Variants in SLC35B4 observed in about 807,000 individuals in gnomAD.
SLC35B4 encodes the protein solute carrier family 35 member B4, also known as nucleotide sugar transporter SLC35B4.
SLC35B4 carries 28 observed loss-of-function variants against 39.5 expected under a neutral mutation model. The ratio of observed to expected loss-of-function variants is 0.71; its 90% CI spans 0.53 to 0.97. The LOEUF is 0.97. SLC35B4 is among the 50% of genes least tolerant of loss of function. The pLI is 0.00. For missense variants in SLC35B4, 334 were observed against 414.3 expected (o/e 0.81, Z 1.68); for synonymous variants, 145 against 150.4 (o/e 0.96, Z 0.26).
At chr7:134,307,355 C>A (rs1269199170) in intron 2 of SLC35B4, among the ~76,000 whole-genome samples, 27 of 147,678 alleles carry the variant, frequency 1.8e-4, no homozygotes, top group Non-Finnish European at 1.5e-5. Context: ...AAAAAAAAAT[C>A]CAGTAACCCT....
In SLC35B4 at chr7:134,316,730, C is replaced by T. The variant is rs928758721; in HGVS notation, c.22G>A (p.Gly8Ser). 1 of 1,549,990 alleles carries T rather than the reference C, an allele frequency of 6.5e-7. No homozygotes were observed. Among genetic ancestry groups the T allele is most frequent in the African/African-American group, 1.4e-5 (1 of 73,046 alleles). MRPALAV[G>S]LVFAGCCSNV... ...CTGCAGCAGCCTGCGAACACCAGGC[C>T]CACCGCCAAGGCCGGGCGCATGGCC... Residue 8 changes from glycine (G) to serine (S), a missense_variant, in exon 1 of 10, where the codon GGC (glycine) becomes AGC (serine). Physicochemically the swap from Gly to Ser is moderately conservative, Grantham distance 56 (BLOSUM62 0). Coordinates refer to ENST00000378509, the MANE Select transcript of SLC35B4 (RefSeq NM_032826.5).
chr7:134,302,852 A>G (rs908424723), intron 4 of SLC35B4, among the ~76,000 whole-genome samples: 9 of 152,306 alleles, frequency 5.9e-5, no homozygotes, highest in Non-Finnish European at 1.0e-4. Context: ...GTACCTCATA[A>G]AAGGCCAGCA....
chr7:134,301,259 T>C lies in SLC35B4; in HGVS notation c.487+502A>G, dbSNP rs557072868. On this transcript the variant is annotated intron_variant, in intron 6 of 9. Transcript: ENST00000378509. Reference sequence around the variant, plus strand: ...AACAAAGCTCTACAGGAGCTGCCTATTTAATTCCACAGAGATCCTTGTATT... The same window carrying C: ...AACAAAGCTCTACAGGAGCTGCCTACTTAATTCCACAGAGATCCTTGTATT... 1.2e-4 allele frequency among the ~76,000 whole-genome samples: 18 copies of C among 152,324 alleles called. No individual in the cohort carries two copies. The South Asian group carries it at 2.7e-3, about 23-fold the overall frequency.
chr7:134,310,305 A>C (rs753379150), intron 1 of SLC35B4, among the ~76,000 whole-genome samples: 5 of 152,208 alleles, frequency 3.3e-5, no homozygotes, highest in African/African-American at 4.8e-5. Context: ...AAGATTCCCC[A>C]CATTCAACAG....
At chr7:134,319,982 TC>T (rs1804067756), upstream of SLC35B4, among the ~76,000 whole-genome samples, 1 of 152,118 alleles carries the variant, frequency 6.6e-6, no homozygotes, top group Non-Finnish European at 1.5e-5. Context: ...CTTTAACCCA[TC>T]CTCCCTGCTG....
rs1186622966 is a variant in SLC35B4 at position 134,293,467 on chromosome 7, C to G, written c.*1366G>C. On this transcript the variant is annotated 3_prime_UTR_variant, in exon 10 of 10. Transcript: ENST00000378509. ...ACATCCAACCATCCTCAATACCCAT[C>G]GAGAATGCTAAGATACCTCATAGGA... 6.6e-6 allele frequency: 1 copy of G among 152,244 alleles called. No individual in the cohort carries two copies. The highest frequency in any genetic ancestry group is 2.1e-4 in the South Asian group (1 of 4,834). 9.4% of individuals were successfully genotyped at this position (152,244 alleles called of 1,614,324 possible). A position where few individuals can be genotyped will look rare whatever the true frequency, so the allele number is the denominator to read the frequency against.
In SLC35B4 at chr7:134,306,729, CA is replaced by C. The variant is rs763067589; in HGVS notation, c.236del (p.Val79GlyfsTer6). ...TGTTGAGATTCAGGGCATAGTTGTT[CA>C]CCACGCTCACGGTGAAGAACATGGT... ...MVTMFFTVSV[V>X]NNYALNLNIA... On this transcript the variant is annotated frameshift_variant, in exon 3 of 10. Coordinates refer to ENST00000378509, the MANE Select transcript of SLC35B4 (RefSeq NM_032826.5). LOFTEE classifies it high-confidence loss of function. The C allele has an allele frequency of 6.2e-7, 1 of 1,614,012 alleles. No homozygotes were observed. Among genetic ancestry groups the C allele is most frequent in the South Asian group, 1.1e-5 (1 of 91,054 alleles).
intron 3 of SLC35B4, among the ~76,000 whole-genome samples, chr7:134,305,845 T>C (rs1803698622): frequency 1.3e-5 from 2 of 152,114 alleles, no homozygotes; most frequent in Admixed American, 1.3e-4. Context: ...TAATTTTGTA[T>C]TTTTAGTAGA....
chr7:134,297,559 T>G (rs1803494606), intron 8 of SLC35B4, among the ~76,000 whole-genome samples: 1 of 151,982 alleles, frequency 6.6e-6, no homozygotes, highest in Non-Finnish European at 1.5e-5. Context: ...TCATAGAGAT[T>G]TTATAGCCAC....
chr7:134,304,449 T>G, intron 4 of SLC35B4, among the ~76,000 whole-genome samples: 1 of 152,190 alleles, frequency 6.6e-6, no homozygotes, highest in African/African-American at 2.4e-5. Flanking sequence ...AATATTTAAT[T>G]TTCTTTAATT....
chr7:134,314,408 T>C (rs1803920718), intron 1 of SLC35B4, among the ~76,000 whole-genome samples: 2 of 152,246 alleles, frequency 1.3e-5, no homozygotes, highest in South Asian at 4.1e-4. Context: ...GGGATTCAGT[T>C]GCTTGCATAT....
At chr7:134,302,257 T>G in intron 4 of SLC35B4, 147 bp from the exon 5 acceptor site, 1 of 666,796 alleles carries the variant, frequency 1.5e-6, no homozygotes, top group Non-Finnish European at 2.5e-6. Flanking sequence ...TCCACAGAAG[T>G]ATGCATATGA....
chr7:134,297,628 T>C (rs1307337613), intron 8 of SLC35B4, among the ~76,000 whole-genome samples: 10 of 152,220 alleles, frequency 6.6e-5, no homozygotes, highest in Admixed American at 1.3e-4. Context: ...CACACAAGGA[T>C]TACAGCTATG....
rs190273075 is a variant in SLC35B4 at position 134,292,650 on chromosome 7, G to A, written c.*2183C>T. Reference sequence around the variant, plus strand: ...TCAGAGACTCCAGATCCATAGCAATGAAGTCGCCTCTAGGGACAGGTTCTT... The same window carrying A: ...TCAGAGACTCCAGATCCATAGCAATAAAGTCGCCTCTAGGGACAGGTTCTT... On this transcript the variant is annotated 3_prime_UTR_variant, in exon 10 of 10. Coordinates refer to ENST00000378509, the MANE Select transcript of SLC35B4 (RefSeq NM_032826.5). 4 of 152,322 alleles carry A rather than the reference G, an allele frequency of 2.6e-5. No individual in the cohort carries two copies. The highest frequency in any genetic ancestry group is 7.2e-5 in the African/African-American group (3 of 41,576). 9.4% of individuals were successfully genotyped at this position (152,322 alleles called of 1,614,324 possible). A position where few individuals can be genotyped will look rare whatever the true frequency, so the allele number is the denominator to read the frequency against.
chr7:134,290,252 C>T lies in SLC35B4; in HGVS notation c.*4581G>A, dbSNP rs1803304940. On this transcript the variant is annotated 3_prime_UTR_variant, in exon 10 of 10. Coordinates refer to ENST00000378509, the MANE Select transcript of SLC35B4 (RefSeq NM_032826.5). ...TAGCAGGCTGCACACTGAGCAATCT[C>T]TGGTGTACCTCCTCCCAATAGTCGT... 1 of 152,212 alleles carries T rather than the reference C, an allele frequency of 6.6e-6. No homozygotes were observed. Among genetic ancestry groups the T allele is most frequent in the Non-Finnish European group, 1.5e-5 (1 of 68,056 alleles). The allele number at this position is 152,212 out of a possible 1,614,324, so 9.4% of individuals were successfully genotyped here.
Position 134,294,876 on chromosome 7 carries a change from C to G in SLC35B4, c.953G>C (p.Gly318Ala), listed in dbSNP as rs1370904258. The change falls in exon 10 of 10, where the codon GGG becomes GCG. Residue 318 changes from glycine to alanine, a missense_variant. Gly to Ala is a moderately conservative substitution (Grantham distance 60, BLOSUM62 0). Coordinates refer to ENST00000378509, the MANE Select transcript of SLC35B4 (RefSeq NM_032826.5). ...CTTCTGAGGCTCACTTTTTGTGGTCCCTAGGTTGTTCCACACCTCTGTGTA... is the reference window on the plus strand; with the variant it reads ...CTTCTGAGGCTCACTTTTTGTGGTCGCTAGGTTGTTCCACACCTCTGTGTA... Reference protein sequence around the residue: ...LMYTEVWNNLGTTKSEPQKDS... With the variant: ...LMYTEVWNNLATTKSEPQKDS... The G allele has an allele frequency of 2.0e-5, 32 of 1,613,952 alleles. No homozygotes were observed. Among genetic ancestry groups the G allele is most frequent in the Non-Finnish European group, 2.6e-5 (31 of 1,180,026 alleles).
rs1430797020 is a variant in SLC35B4 at position 134,306,674 on chromosome 7, A to T, written c.292T>A (p.Ser98Thr). Reference sequence around the variant, plus strand: ...ACACGTGATCCGGCAGCACTTACGGATCTAAATATCATATGCAGGGGCATG... The same window carrying T: ...ACACGTGATCCGGCAGCACTTACGGTTCTAAATATCATATGCAGGGGCATG... ...IAMPLHMIFR[S>T]GSLIANMILG... The change falls in exon 3 of 10, where the codon TCC (serine) becomes ACC (threonine). Residue 98 changes from serine (S) to threonine (T), a missense_variant and splice_region_variant. Transcript: ENST00000378509. 6.2e-7 allele frequency: 1 copy of T among 1,613,172 alleles called. No homozygotes were observed. Among genetic ancestry groups the T allele is most frequent in the Non-Finnish European group, 8.5e-7 (1 of 1,179,564 alleles).
chr7:134,300,305 T>C (rs775562314), intron 6 of SLC35B4, 44 bp from the exon 7 acceptor site: 5 of 1,379,888 alleles, frequency 3.6e-6, no homozygotes, highest in Middle Eastern at 1.8e-4. Context: ...CATTTGTTCA[T>C]TTCCAGATGT....
At position 134,291,232 on chromosome 7, in the gene SLC35B4, A is replaced by G. The variant is rs1291775715; in HGVS notation, c.*3601T>C. On this transcript the variant is annotated 3_prime_UTR_variant, in exon 10 of 10. Coordinates refer to ENST00000378509, the MANE Select transcript of SLC35B4 (RefSeq NM_032826.5). ...TAACCCTTCACATTCATCGTCATCT[A>G]CAGATATGGCATTCACACATTCTGC... 6.6e-6 allele frequency: 1 copy of G among 152,234 alleles called. No individual in the cohort carries two copies. Among genetic ancestry groups the G allele is most frequent in the Non-Finnish European group, 1.5e-5 (1 of 68,046 alleles). The allele number at this position is 152,234 out of a possible 1,614,324, so 9.4% of individuals were successfully genotyped here.
Sources: allele counts gnomAD v4.1 joint callset (sites outside exome capture counted in the v4.1 genomes callset), GRCh38; gene constraint gnomAD v4.1.1; transcripts MANE v1.5; gene names NCBI Gene and HGNC (gene_info 2026-07-23, HGNC 2026-07-21).